Variants in TENM3 observed in about 807,000 individuals in gnomAD.
TENM3 encodes teneurin-3.
A neutral mutation model predicts 255.1 loss-of-function variants in TENM3; 63 were observed. The ratio of observed to expected loss-of-function variants is 0.25; its 90% CI spans 0.20 to 0.30. The LOEUF (loss-of-function observed/expected upper bound fraction) is 0.30, where lower values mean the gene tolerates loss of function less well. Among genes scored for constraint, TENM3 ranks in the 10% least tolerant of loss-of-function variants. TENM3 has a pLI of 1.00. For synonymous variants in TENM3, 1,306 were observed against 1,322.3 expected (o/e 0.99, Z 0.27); for missense variants, 2,929 against 3,461.1 (o/e 0.85, Z 3.86).
intron 7 of TENM3, among the ~76,000 whole-genome samples, chr4:182,673,963 C>T (rs950896037): frequency 2.7e-4 from 41 of 152,100 alleles, no homozygotes; most frequent in Admixed American, 5.9e-4. Context: ...TGGAAATTGT[C>T]GCTTAATATA....
the TENM3 span, among the ~76,000 whole-genome samples, chr4:182,135,282 G>A: frequency 1.3e-5 from 2 of 151,220 alleles, no homozygotes; most frequent in East Asian, 3.9e-4. Flanking sequence ...TTACCTAGAA[G>A]GTTGTTAGAA....
the TENM3 span, among the ~76,000 whole-genome samples, chr4:181,487,404 C>G: frequency 6.6e-6 from 1 of 152,138 alleles, no homozygotes; most frequent in East Asian, 1.9e-4. Flanking sequence ...ATTAACTTCT[C>G]ACAGTTCTGG....
chr4:181,494,373 C>T, the TENM3 span, among the ~76,000 whole-genome samples: 2 of 152,296 alleles, frequency 1.3e-5, no homozygotes, highest in Admixed American at 6.5e-5. Flanking sequence ...CAACCTCCGC[C>T]TCCCGGGTTC....
intron 12 of TENM3, among the ~76,000 whole-genome samples, chr4:182,701,944 G>A (rs1478082001): frequency 6.6e-6 from 1 of 152,172 alleles, no homozygotes; most frequent in Non-Finnish European, 1.5e-5. Context: ...CACAATGTAA[G>A]GATAGGGATA....
At chr4:181,760,275 A>C in the TENM3 span, among the ~76,000 whole-genome samples, 1 of 152,252 alleles carries the variant, frequency 6.6e-6, no homozygotes, top group East Asian at 1.9e-4. Context: ...CCCCCAAACT[A>C]AGATTAAAAA....
the TENM3 span, among the ~76,000 whole-genome samples, chr4:181,834,275 G>T: frequency 1.3e-5 from 2 of 152,068 alleles, no homozygotes; most frequent in African/African-American, 4.8e-5. Context: ...AACACATTTT[G>T]TGTCATGTTT....
At chr4:182,355,467 C>T (rs1232454846) in intron 3 of TENM3, among the ~76,000 whole-genome samples, 3 of 152,116 alleles carry the variant, frequency 2.0e-5, no homozygotes, top group Non-Finnish European at 2.9e-5. Flanking sequence ...TGTCTTTCCT[C>T]AAGGAGAGCA....
At chr4:181,753,313 T>TC in the TENM3 span, among the ~76,000 whole-genome samples, 40 of 152,144 alleles carry the variant, frequency 2.6e-4, no homozygotes, top group South Asian at 8.3e-3. Context: ...GAAAAATATC[T>TC]CCCCCATGAA....
the TENM3 span, among the ~76,000 whole-genome samples, chr4:181,880,826 A>C: frequency 6.6e-6 from 1 of 152,262 alleles, no homozygotes; most frequent in East Asian, 1.9e-4. Context: ...CCTTGTGACA[A>C]AATCAATAAA....
At chr4:182,498,146 G>A (rs1273969188) in intron 3 of TENM3, among the ~76,000 whole-genome samples, 1 of 152,084 alleles carries the variant, frequency 6.6e-6, no homozygotes, top group Non-Finnish European at 1.5e-5. Flanking sequence ...ATGCCTCATA[G>A]TTAAAAAAGA....
At chr4:182,287,586 T>A (rs898532731) in intron 1 of TENM3, among the ~76,000 whole-genome samples, 2 of 152,144 alleles carry the variant, frequency 1.3e-5, no homozygotes, top group Non-Finnish European at 2.9e-5. Flanking sequence ...CTAGTACACT[T>A]TTCTTTCTTT....
the TENM3 span, among the ~76,000 whole-genome samples, chr4:182,137,340 C>A: frequency 1.5e-4 from 23 of 150,812 alleles, no homozygotes; most frequent in South Asian, 6.3e-4. Context: ...ACCTCCCCCC[C>A]CCCAAAAAGG....
chr4:182,216,373 C>CTGCCTACCT (rs1205921095), intron 1 of TENM3, among the ~76,000 whole-genome samples: 1 of 152,210 alleles, frequency 6.6e-6, no homozygotes, highest in Non-Finnish European at 1.5e-5. Context: ...GTTCAGTTTC[C>CTGCCTACCT]ACATGGTCTT....
chr4:182,731,224 G>T (rs904686761), intron 16 of TENM3, 85 bp downstream of exon 16: 40 of 1,402,790 alleles, frequency 2.9e-5, no homozygotes, highest in Non-Finnish European at 3.6e-5. Flanking sequence ...AGGTTATAGA[G>T]TCCGGGCACG....
intron 3 of TENM3, among the ~76,000 whole-genome samples, chr4:182,567,347 A>G (rs1250945505): frequency 3.3e-5 from 5 of 152,044 alleles, no homozygotes; most frequent in African/African-American, 4.8e-5. Context: ...GTCACCCTTG[A>G]CACCTTCCCT....
the TENM3 span, among the ~76,000 whole-genome samples, chr4:182,128,164 G>T: frequency 6.6e-6 from 1 of 151,424 alleles, no homozygotes; most frequent in Admixed American, 6.6e-5. Flanking sequence ...TAAAATCTGT[G>T]GAAAAAAACG....
intron 3 of TENM3, among the ~76,000 whole-genome samples, chr4:182,528,119 G>A (rs1739405124): frequency 6.6e-6 from 1 of 152,000 alleles, no homozygotes; most frequent in African/African-American, 2.4e-5. Context: ...GATTTTAAAA[G>A]TTTGTTTTTT....
At chr4:182,224,986 C>T (rs1013018724) in intron 1 of TENM3, among the ~76,000 whole-genome samples, 15 of 152,106 alleles carry the variant, frequency 9.9e-5, no homozygotes, top group African/African-American at 3.6e-4. Flanking sequence ...CCCACCTTGG[C>T]CTCCCAAAGT....
At chr4:182,147,104 A>G (rs971889973) in intron 1 of TENM3, among the ~76,000 whole-genome samples, 1 of 152,214 alleles carries the variant, frequency 6.6e-6, no homozygotes, top group African/African-American at 2.4e-5. Context: ...ATAATGATCC[A>G]GTTAGTAAGT....
Sources: gnomAD v4.1 joint callset for allele counts (sites outside exome capture counted in the v4.1 genomes callset) on GRCh38, gnomAD v4.1.1 for gene constraint, MANE v1.5 for transcripts, NCBI Gene and HGNC (gene_info 2026-07-23, HGNC 2026-07-21) for gene names.